Variants in GLRA2 observed in about 807,000 individuals in gnomAD.
The protein encoded by GLRA2 is glycine receptor alpha 2.
Under a neutral mutation model 31.6 loss-of-function variants are expected in GLRA2, and 11 were observed. The ratio of observed to expected loss-of-function variants is 0.35; its 90% CI spans 0.22 to 0.58. The LOEUF (loss-of-function observed/expected upper bound fraction) is 0.58. Among genes scored for constraint, GLRA2 ranks in the 20% least tolerant of loss-of-function variants. GLRA2 has a pLI of 0.84. For missense variants in GLRA2, 212 were observed against 351.8 expected (o/e 0.60, Z 3.18); for synonymous variants, 132 against 134.0 (o/e 0.99, Z 0.10).
chrX:14,458,625 A>T, the GLRA2 span, among the ~76,000 whole-genome samples: 1 of 112,495 alleles, frequency 8.9e-6, no homozygotes, highest in African/African-American at 3.2e-5. Context: ...ATGGCCAGTG[A>T]TGATGAGCAG....
chrX:14,607,823 T>C (rs866690994), intron 6 of GLRA2, among the ~76,000 whole-genome samples: 3 of 111,341 alleles, frequency 2.7e-5, no homozygotes, highest in African/African-American at 9.8e-5. Context: ...GTGTTATCAG[T>C]AGTGCTGACA....
the GLRA2 span, among the ~76,000 whole-genome samples, chrX:14,510,276 T>G: frequency 9.0e-6 from 1 of 111,661 alleles, no homozygotes; most frequent in East Asian, 2.8e-4. Flanking sequence ...TCAGGAACTG[T>G]GGCCTTCAAC....
chrX:14,507,689 C>CTTTTGTT, the GLRA2 span, among the ~76,000 whole-genome samples: 1 of 46,629 alleles, frequency 2.1e-5, no homozygotes, highest in Non-Finnish European at 3.9e-5. Flanking sequence ...GAAAGACATT[C>CTTTTGTT]TTTTTTTTTT....
At chrX:14,514,889 AT>A in the GLRA2 span, among the ~76,000 whole-genome samples, 15 of 110,159 alleles carry the variant, frequency 1.4e-4, no homozygotes, top group African/African-American at 4.9e-4. Flanking sequence ...ATAAAATCTC[AT>A]TTTTTGCCTT....
chrX:14,597,540 T>G (rs919157271), intron 4 of GLRA2, among the ~76,000 whole-genome samples: 3 of 111,163 alleles, frequency 2.7e-5, no homozygotes, highest in Non-Finnish European at 3.8e-5. Context: ...CACCCAGGTT[T>G]CTGGGTTGCC....
intron 7 of GLRA2, among the ~76,000 whole-genome samples, chrX:14,627,275 A>G (rs750422122): frequency 2.2e-4 from 24 of 111,475 alleles, no homozygotes; most frequent in Non-Finnish European, 3.6e-4. Flanking sequence ...ACCTGCTTCT[A>G]AGTGCTTTTT....
chrX:14,553,680 C>T (rs1164569058), intron 2 of GLRA2, among the ~76,000 whole-genome samples: 1 of 111,635 alleles, frequency 9.0e-6, no homozygotes, highest in East Asian at 2.8e-4. Context: ...CTGATCCAAG[C>T]CATTTTGCCC....
chrX:14,494,011 C>T, the GLRA2 span, among the ~76,000 whole-genome samples: 127 of 110,338 alleles, frequency 1.2e-3, no homozygotes, highest in African/African-American at 4.1e-3. Flanking sequence ...TAATGAACTG[C>T]AACTACACAC....
At chrX:14,685,019 G>T (rs1382816020) in intron 7 of GLRA2, among the ~76,000 whole-genome samples, 2 of 111,416 alleles carry the variant, frequency 1.8e-5, no homozygotes, top group Admixed American at 1.9e-4. Flanking sequence ...AGAGTTTTTA[G>T]CATGAAGGGT....
chrX:14,671,770 T>C (rs1385032963), intron 7 of GLRA2, among the ~76,000 whole-genome samples: 4 of 112,989 alleles, frequency 3.5e-5, no homozygotes, highest in African/African-American at 1.3e-4. Flanking sequence ...GCACATAGTA[T>C]TGCACATGCA....
the GLRA2 span, among the ~76,000 whole-genome samples, chrX:14,493,717 A>T: frequency 9.0e-4 from 87 of 96,802 alleles, no homozygotes; most frequent in Non-Finnish European, 1.1e-3. Context: ...ACATGTATAC[A>T]TATATACGTG....
chrX:14,464,489 G>T, the GLRA2 span, among the ~76,000 whole-genome samples: 1 of 111,507 alleles, frequency 9.0e-6, no homozygotes, highest in Non-Finnish European at 1.9e-5. Context: ...TGAGTTGGCT[G>T]TAGATAGATG....
intron 7 of GLRA2, among the ~76,000 whole-genome samples, chrX:14,649,375 C>T (rs1210225028): frequency 3.6e-5 from 4 of 111,009 alleles, no homozygotes; most frequent in Non-Finnish European, 7.5e-5. Context: ...ACCCAAATTC[C>T]ATCAGTAGTA....
chrX:14,455,438 T>A, the GLRA2 span, among the ~76,000 whole-genome samples: 1 of 111,830 alleles, frequency 8.9e-6, no homozygotes, highest in South Asian at 3.7e-4. Context: ...ATATGGTAAC[T>A]TAAGAAATTA....
intron 8 of GLRA2, among the ~76,000 whole-genome samples, chrX:14,707,757 G>GGTGTGTGTGTGT (rs374444365): frequency 3.4e-3 from 363 of 106,200 alleles, no homozygotes; most frequent in African/African-American, 0.01. Context: ...CAGCAAAAAA[G>GGTGTGTGTGTGT]GTGTGTGTGT....
chrX:14,540,803 G>A (rs912182505), intron 2 of GLRA2, among the ~76,000 whole-genome samples: 2 of 110,356 alleles, frequency 1.8e-5, no homozygotes, highest in African/African-American at 6.6e-5. Context: ...AAAACAGGAA[G>A]AGGTGCAATA....
chrX:14,589,652 C>T (rs1472968456), intron 4 of GLRA2, among the ~76,000 whole-genome samples: 1 of 103,689 alleles, frequency 9.6e-6, no homozygotes, highest in Non-Finnish European at 2.0e-5. Flanking sequence ...GCCTGGGCAA[C>T]AGAGCGAGAC....
chrX:14,672,797 A>G (rs2091107697), intron 7 of GLRA2, among the ~76,000 whole-genome samples: 1 of 111,711 alleles, frequency 9.0e-6, no homozygotes, highest in Non-Finnish European at 1.9e-5. Context: ...AGCGTGGTGG[A>G]TGCCTGGAAT....
At chrX:14,508,170 CAT>C in the GLRA2 span, among the ~76,000 whole-genome samples, 1 of 112,108 alleles carries the variant, frequency 8.9e-6, no homozygotes, top group East Asian at 2.8e-4. Flanking sequence ...TTGTTCAAAA[CAT>C]AGCTCAGAAA....
Sources: gnomAD v4.1 joint callset for allele counts (sites outside exome capture counted in the v4.1 genomes callset) on GRCh38, gnomAD v4.1.1 for gene constraint, MANE v1.5 for transcripts, NCBI Gene and HGNC (gene_info 2026-07-23, HGNC 2026-07-21) for gene names.